SORCS2: variants seen among roughly 807,000 people sequenced by gnomAD.
SORCS2 encodes sortilin related VPS10 domain containing receptor 2.
Under a neutral mutation model 141.6 loss-of-function variants are expected in SORCS2, and 100 were observed. The observed-to-expected ratio is 0.71, with a 90% CI of 0.60 to 0.83. The LOEUF (loss-of-function observed/expected upper bound fraction) is 0.83. Ranked by LOEUF, SORCS2 falls within the 40% of genes least tolerant of loss-of-function variation. SORCS2 has a pLI of 0.00. For synonymous variants in SORCS2, 789 were observed against 676.9 expected (o/e 1.17, Z -2.57); for missense variants, 1,646 against 1,560.2 (o/e 1.05, Z -0.93).
In SORCS2 at chr4:7,263,055, A is replaced by T. The variant is rs548531049; in HGVS notation, c.480+69929A>T. Among the ~76,000 whole-genome samples, 31 of 152,310 alleles carry T rather than the reference A, an allele frequency of 2.0e-4. No individual in the cohort carries two copies. The South Asian group carries it at 4.8e-3, about 23-fold the overall frequency. On this transcript the variant is annotated intron_variant, in intron 1 of 26. Transcript: ENST00000507866. ...TCCCGACTGCTGCAGAGGAAAGAACAGGGGCTTTGGAACCAGAGACCTGCG... is the reference window on the plus strand; with the variant it reads ...TCCCGACTGCTGCAGAGGAAAGAACTGGGGCTTTGGAACCAGAGACCTGCG...
At chr4:7,729,928 G>T (rs1027551964) in intron 23 of SORCS2, among the ~76,000 whole-genome samples, 2 of 152,136 alleles carry the variant, frequency 1.3e-5, no homozygotes, top group Non-Finnish European at 1.5e-5. Flanking sequence ...AGGTAGTCGG[G>T]GGGAGGGCAC....
intron 1 of SORCS2, among the ~76,000 whole-genome samples, chr4:7,221,666 C>G (rs966889208): frequency 2.0e-5 from 3 of 152,232 alleles, no homozygotes; most frequent in African/African-American, 7.2e-5. Flanking sequence ...GAAGCTTTCC[C>G]TCCTGAAGCC....
chr4:7,472,822 T>G (rs749961814), intron 2 of SORCS2, among the ~76,000 whole-genome samples: 3 of 152,090 alleles, frequency 2.0e-5, no homozygotes, highest in Admixed American at 6.5e-5. Flanking sequence ...CCTGGTTTGA[T>G]TGGGGCGAGG....
intron 2 of SORCS2, among the ~76,000 whole-genome samples, chr4:7,494,048 C>A (rs538854806): frequency 6.6e-6 from 1 of 151,954 alleles, no homozygotes; most frequent in East Asian, 1.9e-4. Context: ...CACACACATA[C>A]ACTCACATGC....
chr4:7,729,527 C>G (rs948814732), intron 22 of SORCS2, 60 bp from the exon 23 acceptor site: 12 of 1,534,846 alleles, frequency 7.8e-6, no homozygotes, highest in Non-Finnish European at 1.1e-5. Context: ...CTGGGGGCCC[C>G]AGTATGAGGC....
chr4:7,685,657 C>G (rs1034874648), intron 10 of SORCS2, among the ~76,000 whole-genome samples: 2 of 149,736 alleles, frequency 1.3e-5, no homozygotes, highest in South Asian at 2.1e-4. Flanking sequence ...GGTGACAGAG[C>G]GAGATTCCAC....
chr4:7,255,649 C>T (rs879560563), intron 1 of SORCS2, among the ~76,000 whole-genome samples: 15 of 152,188 alleles, frequency 9.9e-5, no homozygotes, highest in East Asian at 9.6e-4. Context: ...AGAGGTCAGG[C>T]GGGGGCCGGC....
chr4:7,719,848 T>A (rs1016070201), intron 18 of SORCS2, among the ~76,000 whole-genome samples: 1 of 152,180 alleles, frequency 6.6e-6, no homozygotes, highest in East Asian at 1.9e-4. Context: ...GGACCCTTGC[T>A]GGGCCTGCTC....
At chr4:7,258,008 G>C (rs1303589567) in intron 1 of SORCS2, among the ~76,000 whole-genome samples, 1 of 152,202 alleles carries the variant, frequency 6.6e-6, no homozygotes, top group Non-Finnish European at 1.5e-5. Context: ...CACCCGCCCA[G>C]GTACCTCTGC....
chr4:7,429,245 C>T (rs1331738166), intron 2 of SORCS2, among the ~76,000 whole-genome samples: 1 of 152,154 alleles, frequency 6.6e-6, no homozygotes, highest in Non-Finnish European at 1.5e-5. Flanking sequence ...TGAGCGTGGG[C>T]TTCCCTGGTG....
chr4:7,728,526 AGGGCCCC>A, intron 22 of SORCS2, 64 bp downstream of exon 22: 1 of 1,269,290 alleles, frequency 7.9e-7, no homozygotes, highest in Non-Finnish European at 1.1e-6. Context: ...GAGAAGCCCA[AGGGCCCC>A]GGGGTGCTCA....
At chr4:7,294,666 TC>T (rs869281952) in intron 1 of SORCS2, among the ~76,000 whole-genome samples, 1 of 66,918 alleles carries the variant, frequency 1.5e-5, no homozygotes, top group Non-Finnish European at 3.0e-5. Flanking sequence ...CCTCTTCCTC[TC>T]CCTCCTCCTC....
rs112098635 is a variant in SORCS2, at chr4:7,324,464, G to A, written c.481-71824G>A. 6.5e-3 allele frequency among the ~76,000 whole-genome samples: 987 copies of A among 152,322 alleles called. 6 individuals are homozygous for A. Among genetic ancestry groups the A allele is most frequent in the African/African-American group, 0.023 (938 of 41,582 alleles). On this transcript the variant is annotated intron_variant, in intron 1 of 26. Transcript: ENST00000507866. ...ACCGTCTGCCGGCGTCACCATCTCC[G>A]CCCAGCCCAGCTGTCATGAGAGGAT...
intron 3 of SORCS2, among the ~76,000 whole-genome samples, chr4:7,561,615 TCCG>T (rs1263360033): frequency 3.3e-5 from 5 of 149,848 alleles, no homozygotes; most frequent in African/African-American, 1.2e-4. Flanking sequence ...TATCTACCCA[TCCG>T]TCTATCTACC....
At chr4:7,692,350 A>G (rs1724311407) in intron 11 of SORCS2, among the ~76,000 whole-genome samples, 1 of 152,210 alleles carries the variant, frequency 6.6e-6, no homozygotes, top group Non-Finnish European at 1.5e-5. Flanking sequence ...AGGCAGGCAG[A>G]CAAGAGGGAA....
At chr4:7,356,130 G>A (rs1386324237) in intron 1 of SORCS2, among the ~76,000 whole-genome samples, 10 of 152,234 alleles carry the variant, frequency 6.6e-5, no homozygotes, top group Admixed American at 6.5e-4. Flanking sequence ...ATGATCATCT[G>A]TCAGAGAGGC....
chr4:7,678,012 C>T (rs1723276912), intron 9 of SORCS2, among the ~76,000 whole-genome samples: 2 of 152,206 alleles, frequency 1.3e-5, no homozygotes, highest in African/African-American at 4.8e-5. Context: ...AACCTGTCCA[C>T]AGGCATCTGT....
At chr4:7,505,404 CAG>C (rs1732218259) in intron 2 of SORCS2, among the ~76,000 whole-genome samples, 1 of 151,976 alleles carries the variant, frequency 6.6e-6, no homozygotes, top group Non-Finnish European at 1.5e-5. Flanking sequence ...TCCGTGTGCA[CAG>C]AGACACCTCA....
chr4:7,422,765 C>G (rs912529124), intron 2 of SORCS2, among the ~76,000 whole-genome samples: 16 of 152,182 alleles, frequency 1.1e-4, no homozygotes, highest in African/African-American at 3.9e-4. Flanking sequence ...CCCAGGTCTC[C>G]CTGCGCCTGC....
Sources: gnomAD v4.1 joint callset for allele counts (sites outside exome capture counted in the v4.1 genomes callset) on GRCh38, gnomAD v4.1.1 for gene constraint, MANE v1.5 for transcripts, NCBI Gene and HGNC (gene_info 2026-07-23, HGNC 2026-07-21) for gene names.